Variants in CPQ observed in about 807,000 individuals in gnomAD.
CPQ encodes the protein carboxypeptidase Q.
A neutral mutation model predicts 45.7 loss-of-function variants in CPQ; 37 were observed. The observed-to-expected ratio is 0.81, with a 90% CI of 0.62 to 1.07. CPQ has a LOEUF of 1.07. Ranked by LOEUF, CPQ falls within the 50% of genes least tolerant of loss-of-function variation. CPQ has a pLI of 0.00. For missense variants in CPQ, 537 were observed against 572.9 expected (o/e 0.94, Z 0.64); for synonymous variants, 186 against 205.8 (o/e 0.90, Z 0.82).
chr8:97,131,430 A>G (rs1811952873), intron 7 of CPQ, among the ~76,000 whole-genome samples: 1 of 152,204 alleles, frequency 6.6e-6, no homozygotes, highest in African/African-American at 2.4e-5. Flanking sequence ...TTAGCATTTA[A>G]GCTTATATCT....
chr8:96,772,075 CA>C (rs1336111232), intron 1 of CPQ, among the ~76,000 whole-genome samples: 1 of 151,764 alleles, frequency 6.6e-6, no homozygotes, highest in Admixed American at 6.6e-5. Flanking sequence ...GGGGTTTGAA[CA>C]AAGGAGGAAA....
chr8:96,749,331 G>A (rs1450830352), intron 1 of CPQ, among the ~76,000 whole-genome samples: 2 of 152,196 alleles, frequency 1.3e-5, no homozygotes, highest in Admixed American at 1.3e-4. Flanking sequence ...CTGTCAAAGA[G>A]CAGTCAAGAA....
chr8:97,019,227 G>A (rs1177325474), intron 5 of CPQ, among the ~76,000 whole-genome samples: 1 of 152,130 alleles, frequency 6.6e-6, no homozygotes, highest in African/African-American at 2.4e-5. Context: ...CCGCTAAAAG[G>A]AGCTCTAAAT....
chr8:96,683,960 T>G (rs987047546), intron 1 of CPQ, among the ~76,000 whole-genome samples: 1 of 152,190 alleles, frequency 6.6e-6, no homozygotes, highest in African/African-American at 2.4e-5. Flanking sequence ...TTTCTCTGTA[T>G]TATTTATCTG....
At chr8:96,905,350 G>A (rs528841016) in intron 4 of CPQ, among the ~76,000 whole-genome samples, 2 of 152,244 alleles carry the variant, frequency 1.3e-5, no homozygotes, top group Middle Eastern at 3.4e-3. Flanking sequence ...GGGACACAGA[G>A]CCACACCATA....
At chr8:96,908,770 CACACACA>C (rs1812617039) in intron 4 of CPQ, among the ~76,000 whole-genome samples, 1 of 151,712 alleles carries the variant, frequency 6.6e-6, no homozygotes, top group Admixed American at 6.6e-5. Flanking sequence ...CACACACACA[CACACACA>C]CCATATATTC....
intron 7 of CPQ, among the ~76,000 whole-genome samples, chr8:97,084,195 T>C (rs1406418703): frequency 6.6e-6 from 1 of 152,146 alleles, no homozygotes; most frequent in Non-Finnish European, 1.5e-5. Flanking sequence ...CCTACTAAAA[T>C]ACTGGGGACA....
At chr8:97,073,462 G>GA (rs764289157) in intron 7 of CPQ, among the ~76,000 whole-genome samples, 38 of 152,298 alleles carry the variant, frequency 2.5e-4, no homozygotes, top group Admixed American at 1.1e-3. Context: ...CCCTTATGGT[G>GA]AAAACACTGT....
intron 2 of CPQ, among the ~76,000 whole-genome samples, chr8:96,833,433 A>G (rs1158042180): frequency 1.3e-5 from 2 of 152,286 alleles, no homozygotes; most frequent in East Asian, 3.9e-4. Context: ...AGTGGCTCCA[A>G]TCCGGATGCC....
intron 5 of CPQ, among the ~76,000 whole-genome samples, chr8:96,997,169 G>C (rs1809192784): frequency 1.3e-5 from 2 of 151,886 alleles, no homozygotes; most frequent in African/African-American, 2.4e-5. Flanking sequence ...TCCACTTTTA[G>C]TTTTTTCTCT....
At chr8:97,082,064 C>T (rs1335440147) in intron 7 of CPQ, among the ~76,000 whole-genome samples, 1 of 152,174 alleles carries the variant, frequency 6.6e-6, no homozygotes, top group Non-Finnish European at 1.5e-5. Context: ...TACTAAGTTA[C>T]AGAGGTCTAT....
chr8:96,999,450 C>G (rs543591092), intron 5 of CPQ, among the ~76,000 whole-genome samples: 23 of 152,066 alleles, frequency 1.5e-4, no homozygotes, highest in Admixed American at 3.3e-4. Context: ...TTCATGTGTT[C>G]TCATCATTTA....
At chr8:96,928,668 G>A (rs373111072) in intron 4 of CPQ, among the ~76,000 whole-genome samples, 75 of 152,168 alleles carry the variant, frequency 4.9e-4, no homozygotes, top group African/African-American at 1.7e-3. Context: ...TGCAGCCACC[G>A]GGCTGTGCTC....
intron 4 of CPQ, among the ~76,000 whole-genome samples, chr8:96,883,988 T>C (rs115632665): frequency 6.6e-6 from 1 of 152,340 alleles, no homozygotes; most frequent in African/African-American, 2.4e-5. Context: ...ATGTTACTAA[T>C]CTTGATCCTC....
intron 1 of CPQ, among the ~76,000 whole-genome samples, chr8:96,661,324 A>G (rs1019795390): frequency 3.6e-4 from 55 of 152,196 alleles, no homozygotes; most frequent in African/African-American, 1.3e-3. Flanking sequence ...GCAATTGATG[A>G]ACCCATATAG....
chr8:96,791,343 T>C (rs1810842845), intron 2 of CPQ, among the ~76,000 whole-genome samples: 1 of 152,194 alleles, frequency 6.6e-6, no homozygotes, highest in Non-Finnish European at 1.5e-5. Flanking sequence ...TTGATACCTG[T>C]ACTGTGACAG....
intron 4 of CPQ, among the ~76,000 whole-genome samples, chr8:96,904,759 A>G (rs991892473): frequency 1.3e-5 from 2 of 152,188 alleles, no homozygotes; most frequent in Admixed American, 6.6e-5. Flanking sequence ...TGCACAGTTT[A>G]GGACAACTTT....
At chr8:96,655,968 C>T (rs1354831366) in intron 1 of CPQ, among the ~76,000 whole-genome samples, 1 of 152,196 alleles carries the variant, frequency 6.6e-6, no homozygotes, top group Admixed American at 6.5e-5. Flanking sequence ...GATTCTCCCA[C>T]CTCAGCCTCT....
chr8:96,739,886 C>G (rs1186460631), intron 1 of CPQ, among the ~76,000 whole-genome samples: 1 of 152,084 alleles, frequency 6.6e-6, no homozygotes, highest in Non-Finnish European at 1.5e-5. Flanking sequence ...AGTTTGAAGT[C>G]AGGTAGTGTG....
Sources: gnomAD v4.1 joint callset for allele counts (sites outside exome capture counted in the v4.1 genomes callset) on GRCh38, gnomAD v4.1.1 for gene constraint, MANE v1.5 for transcripts, NCBI Gene and HGNC (gene_info 2026-07-23, HGNC 2026-07-21) for gene names.